The following BNC2 variants were observed in gnomAD, a reference collection of about 807,000 sequenced individuals.
BNC2 encodes the protein basonuclin zinc finger protein 2.
A neutral mutation model predicts 76.3 loss-of-function variants in BNC2; 20 were observed. That is an observed-to-expected ratio of 0.26 (90% CI 0.18 to 0.38). BNC2 has a LOEUF of 0.38. Among genes scored for constraint, BNC2 ranks in the 10% least tolerant of loss-of-function variants. BNC2 has a pLI of 1.00. For missense variants in BNC2, 1,382 were observed against 1,399.8 expected (o/e 0.99, Z 0.20); for synonymous variants, 582 against 514.8 (o/e 1.13, Z -1.77).
intron 3 of BNC2, among the ~76,000 whole-genome samples, chr9:16,693,961 C>A (rs1271393029): frequency 6.6e-6 from 1 of 152,158 alleles, no homozygotes; most frequent in East Asian, 1.9e-4. Context: ...TATCTTTCCG[C>A]GGCAATCAAG....
chr9:16,863,268 T>TA (rs1447284280), intron 1 of BNC2, among the ~76,000 whole-genome samples: 1 of 152,170 alleles, frequency 6.6e-6, no homozygotes, highest in Non-Finnish European at 1.5e-5. Flanking sequence ...GGCTGGGGCA[T>TA]AGCCCTAGGA....
At position 16,754,107 on chromosome 9, in the gene BNC2, A is replaced by G. The variant is rs1825305862; in HGVS notation, c.4-15622T>C. ...GGGTAAATTATTAACCGACACTCTCAGAACTGTCTAAGATAAACTCATTAG... is the reference window on the plus strand; with the variant it reads ...GGGTAAATTATTAACCGACACTCTCGGAACTGTCTAAGATAAACTCATTAG... On this transcript the variant is annotated intron_variant, in intron 1 of 6. Coordinates refer to ENST00000380672, the MANE Select transcript of BNC2 (RefSeq NM_017637.6). 3.9e-5 allele frequency among the ~76,000 whole-genome samples: 6 copies of G among 152,256 alleles called. 1 individual carries two copies. The South Asian group carries it at 1.2e-3, about 32-fold the overall frequency.
chr9:16,721,650 C>T (rs2134880091), intron 3 of BNC2, among the ~76,000 whole-genome samples: 1 of 152,274 alleles, frequency 6.6e-6, no homozygotes, highest in South Asian at 2.1e-4. Context: ...ACAAACCAGG[C>T]TCCAAACCTA....
intron 5 of BNC2, among the ~76,000 whole-genome samples, chr9:16,462,322 C>T (rs1386283897): frequency 6.6e-6 from 1 of 152,184 alleles, no homozygotes; most frequent in Non-Finnish European, 1.5e-5. Flanking sequence ...CATCTAAGAA[C>T]AGCTCAGGAG....
chr9:16,523,251 C>T (rs553526630), intron 5 of BNC2, among the ~76,000 whole-genome samples: 9 of 151,930 alleles, frequency 5.9e-5, no homozygotes, highest in African/African-American at 2.2e-4. Flanking sequence ...GTGGGTGGAT[C>T]ATGAAGTCAG....
chr9:16,490,577 G>A (rs536904581), intron 5 of BNC2, among the ~76,000 whole-genome samples: 1 of 152,128 alleles, frequency 6.6e-6, no homozygotes, highest in South Asian at 2.1e-4. Context: ...TATCTGTGTG[G>A]GTGTGTGTAT....
Position 16,616,836 on chromosome 9 carries a change from G to GAAGGAAGGAAGGAAGGAAGGAAGT in BNC2, c.331-33752_331-33751insACTTCCTTCCTTCCTTCCTTCCTT, listed in dbSNP as rs796264760. Reference sequence around the variant, plus strand: ...GGAAGGAAGAAAGGAAGGAAGGAAGGAAGTTCTACTGACACGTGGGAATTT... The same window carrying GAAGGAAGGAAGGAAGGAAGGAAGT: ...GGAAGGAAGAAAGGAAGGAAGGAAGGAAGGAAGGAAGGAAGGAAGGAAGTAAGTTCTACTGACACGTGGGAATTT... On this transcript the variant is annotated intron_variant, in intron 3 of 6. Transcript: ENST00000380672. Among the ~76,000 whole-genome samples, 43 of 150,312 alleles carry GAAGGAAGGAAGGAAGGAAGGAAGT rather than the reference G, an allele frequency of 2.9e-4. 2 individuals are homozygous for GAAGGAAGGAAGGAAGGAAGGAAGT. In the South Asian group the frequency reaches 5.8e-3, roughly 20 times the overall value.
intron 3 of BNC2, among the ~76,000 whole-genome samples, chr9:16,626,971 A>G (rs1443869030): frequency 2.0e-5 from 3 of 152,198 alleles, no homozygotes; most frequent in Admixed American, 6.5e-5. Context: ...CCGTGTCGGT[A>G]ACTTCCCAGT....
At chr9:16,558,345 C>T (rs1465315626) in intron 4 of BNC2, among the ~76,000 whole-genome samples, 2 of 152,178 alleles carry the variant, frequency 1.3e-5, no homozygotes, top group Non-Finnish European at 1.5e-5. Context: ...AATGAATATG[C>T]TTGAGAATGC....
intron 1 of BNC2, among the ~76,000 whole-genome samples, chr9:16,747,988 G>A (rs1220533350): frequency 6.9e-6 from 1 of 144,760 alleles, no homozygotes; most frequent in African/African-American, 2.6e-5. Flanking sequence ...TCTTTCCAAT[G>A]GAATATTAAG....
At chr9:16,748,240 G>A (rs10810605) in intron 1 of BNC2, among the ~76,000 whole-genome samples, 130,943 of 152,178 alleles carry the variant, frequency 0.86, 56,735 homozygotes, top group Non-Finnish European at 0.91. Flanking sequence ...AAGTCTGGGT[G>A]TGATGGCTCA....
chr9:16,738,129 C>G (rs1824732753), intron 2 of BNC2, among the ~76,000 whole-genome samples: 1 of 152,122 alleles, frequency 6.6e-6, no homozygotes, highest in Non-Finnish European at 1.5e-5. Context: ...GATACTTTAT[C>G]ACGTTCAAAA....
chr9:16,614,972 A>T (rs1820657515), intron 3 of BNC2, among the ~76,000 whole-genome samples: 1 of 2,234 alleles, frequency 4.5e-4, no homozygotes, highest in African/African-American at 5.7e-4. Context: ...AAAAAAAAAA[A>T]AAAAAAAAAA....
At chr9:16,829,202 C>T (rs1194869626) in intron 1 of BNC2, among the ~76,000 whole-genome samples, 3 of 152,212 alleles carry the variant, frequency 2.0e-5, no homozygotes, top group Non-Finnish European at 4.4e-5. Context: ...CAAACTACAA[C>T]ATGAATGCTG....
intron 5 of BNC2, among the ~76,000 whole-genome samples, chr9:16,514,137 C>T (rs373438146): frequency 5.9e-5 from 9 of 152,154 alleles, no homozygotes; most frequent in African/African-American, 2.2e-4. Context: ...TGGTCCAACC[C>T]TTCAGTGAAG....
At chr9:16,765,873 G>A (rs942207549) in intron 1 of BNC2, among the ~76,000 whole-genome samples, 25 of 150,706 alleles carry the variant, frequency 1.7e-4, no homozygotes, top group Admixed American at 4.6e-4. Flanking sequence ...TGCAAGCTCT[G>A]CCTCCCGGGT....
chr9:16,489,054 G>C (rs1006206758), intron 5 of BNC2, among the ~76,000 whole-genome samples: 2 of 152,114 alleles, frequency 1.3e-5, no homozygotes, highest in Non-Finnish European at 2.9e-5. Flanking sequence ...ACAGAAATAT[G>C]TGATCCACAG....
At chr9:16,565,966 C>T (rs1039736720) in intron 4 of BNC2, among the ~76,000 whole-genome samples, 1 of 152,060 alleles carries the variant, frequency 6.6e-6, no homozygotes, top group African/African-American at 2.4e-5. Flanking sequence ...ACCAAGATGA[C>T]GCCAGAGAGA....
intron 1 of BNC2, among the ~76,000 whole-genome samples, chr9:16,810,481 A>T (rs1470309565): frequency 6.6e-6 from 1 of 152,218 alleles, no homozygotes; most frequent in African/African-American, 2.4e-5. Context: ...AATGACAATG[A>T]GTCTGTGAAA....
Sources: allele counts gnomAD v4.1 joint callset (sites outside exome capture counted in the v4.1 genomes callset), GRCh38; gene constraint gnomAD v4.1.1; transcripts MANE v1.5; gene names NCBI Gene and HGNC (gene_info 2026-07-23, HGNC 2026-07-21).